CNTNAP5: variants seen among roughly 807,000 people sequenced by gnomAD.
CNTNAP5 encodes contactin associated protein family member 5.
Under a neutral mutation model 150.2 loss-of-function variants are expected in CNTNAP5, and 72 were observed. That is an observed-to-expected ratio of 0.48 (90% confidence interval 0.40 to 0.58). CNTNAP5 has a LOEUF of 0.58. Ranked by LOEUF, CNTNAP5 falls within the 20% of genes least tolerant of loss-of-function variation. CNTNAP5 has a pLI of 0.00. For missense variants in CNTNAP5, 1,636 were observed against 1,626.2 expected, an observed-to-expected ratio of 1.01 and a Z score of -0.10; for synonymous variants, 672 against 619.8, an observed-to-expected ratio of 1.08 and a Z score of -1.25.
chr2:124,089,004 C>A lies in CNTNAP5; in HGVS notation c.82+63272C>A, dbSNP rs372560695. ...TGGCCAACTTCCTAGAGAGAACAGGCTTGTTTTGGGGCACTTTTCATCTAC... is the reference window on the plus strand; with the variant it reads ...TGGCCAACTTCCTAGAGAGAACAGGATTGTTTTGGGGCACTTTTCATCTAC... On this transcript the variant is annotated intron_variant, in intron 1 of 23. Transcript: ENST00000682447. Among the ~76,000 whole-genome samples, 23 of 152,284 alleles carry A rather than the reference C, an allele frequency of 1.5e-4. No homozygotes were observed. The South Asian group carries it at 4.6e-3, about 30-fold the overall frequency.
At chr2:124,391,947 C>T (rs1266371775) in intron 3 of CNTNAP5, among the ~76,000 whole-genome samples, 2 of 152,078 alleles carry the variant, frequency 1.3e-5, no homozygotes, top group African/African-American at 4.8e-5. Context: ...CAGAGCGAGA[C>T]TCCGTCCCAA....
intron 21 of CNTNAP5, among the ~76,000 whole-genome samples, chr2:124,894,619 C>T (rs774541275): frequency 6.6e-6 from 1 of 150,588 alleles, no homozygotes; most frequent in African/African-American, 2.5e-5. Flanking sequence ...AATGGCCTGA[C>T]GATGGCTCAC....
At chr2:124,768,627 G>T (rs1385448645) in intron 16 of CNTNAP5, among the ~76,000 whole-genome samples, 6 of 152,036 alleles carry the variant, frequency 3.9e-5, no homozygotes, top group Non-Finnish European at 8.8e-5. Flanking sequence ...ACAGTGCACG[G>T]GTAGGCAGGA....
chr2:124,777,861 C>T (rs1425814370), intron 17 of CNTNAP5, among the ~76,000 whole-genome samples: 1 of 149,570 alleles, frequency 6.7e-6, no homozygotes, highest in Non-Finnish European at 1.5e-5. Context: ...GAGAATGCAG[C>T]ATGGTATCAT....
intron 3 of CNTNAP5, among the ~76,000 whole-genome samples, chr2:124,271,306 G>A (rs1319913383): frequency 6.6e-6 from 1 of 152,090 alleles, no homozygotes; most frequent in Non-Finnish European, 1.5e-5. Flanking sequence ...AAAATTAGGA[G>A]TGCAGGATTA....
intron 21 of CNTNAP5, among the ~76,000 whole-genome samples, chr2:124,887,404 G>A (rs1281331293): frequency 1.3e-5 from 2 of 151,964 alleles, no homozygotes; most frequent in Non-Finnish European, 2.9e-5. Flanking sequence ...CTGATTTTAG[G>A]ATCCCTACTA....
chr2:124,438,163 T>C (rs1049691999), intron 5 of CNTNAP5, among the ~76,000 whole-genome samples: 6 of 152,160 alleles, frequency 3.9e-5, no homozygotes, highest in African/African-American at 1.4e-4. Context: ...AATTGAACTA[T>C]GTGGTTCCTC....
chr2:124,701,620 C>T (rs987982883), intron 13 of CNTNAP5, among the ~76,000 whole-genome samples: 1 of 152,190 alleles, frequency 6.6e-6, no homozygotes, highest in East Asian at 1.9e-4. Flanking sequence ...CTAGAACAAT[C>T]TACATTCCTG....
rs531795789 is a variant in CNTNAP5, at chr2:124,452,961, C to T, written c.918+6024C>T. 3.6e-4 allele frequency among the ~76,000 whole-genome samples: 55 copies of T among 152,210 alleles called. 2 individuals carry two copies. Among genetic ancestry groups the T allele is most frequent in the African/African-American group, 1.3e-3 (53 of 41,526 alleles). Reference sequence around the variant, plus strand: ...AACCAACTCTGATTATATGACAAAACAATGTTCTTTAACACCCCCCAAAAA... The same window carrying T: ...AACCAACTCTGATTATATGACAAAATAATGTTCTTTAACACCCCCCAAAAA... On this transcript the variant is annotated intron_variant, in intron 6 of 23. Coordinates refer to ENST00000682447, the MANE Select transcript of CNTNAP5 (RefSeq NM_001367498.1).
intron 1 of CNTNAP5, among the ~76,000 whole-genome samples, chr2:124,040,979 G>A (rs1023610589): frequency 1.3e-5 from 2 of 152,136 alleles, no homozygotes; most frequent in African/African-American, 2.4e-5. Flanking sequence ...CAAACAAGGA[G>A]TATTAGTTTG....
chr2:124,263,946 T>C (rs1687533188), intron 3 of CNTNAP5, among the ~76,000 whole-genome samples: 1 of 152,164 alleles, frequency 6.6e-6, no homozygotes, highest in African/African-American at 2.4e-5. Flanking sequence ...TTGTCAAAGA[T>C]CTGATGGTTG....
intron 14 of CNTNAP5, among the ~76,000 whole-genome samples, chr2:124,761,070 G>A (rs913172765): frequency 6.6e-6 from 1 of 152,044 alleles, no homozygotes. Flanking sequence ...CTTGTGCATT[G>A]TTCCAAAGGA....
chr2:124,478,114 G>A (rs1022379409), intron 7 of CNTNAP5, among the ~76,000 whole-genome samples: 1 of 150,680 alleles, frequency 6.6e-6, no homozygotes, highest in Admixed American at 6.6e-5. Flanking sequence ...TGAATAAGCA[G>A]AGCAAAAAAA....
intron 10 of CNTNAP5, among the ~76,000 whole-genome samples, chr2:124,562,758 A>T (rs1468825321): frequency 6.6e-6 from 1 of 152,202 alleles, no homozygotes; most frequent in Admixed American, 6.5e-5. Context: ...GTCTTTGTGC[A>T]GTTTAAAATA....
intron 16 of CNTNAP5, among the ~76,000 whole-genome samples, chr2:124,766,898 C>T (rs1470304848): frequency 1.6e-4 from 25 of 151,900 alleles, no homozygotes; most frequent in Non-Finnish European, 4.4e-5. Context: ...TAATATATCA[C>T]CAGATTGGAG....
At chr2:124,464,003 A>G (rs1693316603) in intron 6 of CNTNAP5, among the ~76,000 whole-genome samples, 1 of 152,164 alleles carries the variant, frequency 6.6e-6, no homozygotes, top group Non-Finnish European at 1.5e-5. Context: ...AAAACAGTGA[A>G]GGTCAGCTCT....
chr2:124,905,569 T>G (rs2104762918), intron 22 of CNTNAP5, among the ~76,000 whole-genome samples: 1 of 152,254 alleles, frequency 6.6e-6, no homozygotes. Context: ...GTATCTGGGA[T>G]TTTGTCTTAA....
chr2:124,410,164 A>C (rs897837644), intron 3 of CNTNAP5, among the ~76,000 whole-genome samples: 1 of 152,002 alleles, frequency 6.6e-6, no homozygotes. Context: ...GGATCAATTC[A>C]ACAAGAAGAG....
intron 11 of CNTNAP5, among the ~76,000 whole-genome samples, chr2:124,607,027 A>C (rs779002454): frequency 6.6e-5 from 10 of 152,200 alleles, no homozygotes; most frequent in Non-Finnish European, 1.3e-4. Flanking sequence ...CCATATGTGG[A>C]TTGTGTCTTT....
Sources: allele counts gnomAD v4.1 joint callset (sites outside exome capture counted in the v4.1 genomes callset), GRCh38; gene constraint gnomAD v4.1.1; transcripts MANE v1.5; gene names NCBI Gene and HGNC (gene_info 2026-07-23, HGNC 2026-07-21).